ZNF438: variants seen among roughly 807,000 people sequenced by gnomAD.
The protein encoded by ZNF438 is zinc finger protein 438.
In ZNF438, 25 loss-of-function variants were observed where a neutral mutation model predicts 38.0. The observed-to-expected ratio is 0.66, with a 90% CI of 0.48 to 0.92. ZNF438 has a LOEUF of 0.92. Ranked by LOEUF, ZNF438 falls within the 40% of genes least tolerant of loss-of-function variation. ZNF438 has a pLI of 0.00. For missense variants in ZNF438, 1,007 were observed against 999.6 expected (o/e 1.01, Z -0.10); for synonymous variants, 372 against 364.1 (o/e 1.02, Z -0.25).
At chr10:30,947,750 G>A (rs1001380369) in intron 1 of ZNF438, among the ~76,000 whole-genome samples, 13 of 152,168 alleles carry the variant, frequency 8.5e-5, no homozygotes, top group African/African-American at 1.7e-4. Flanking sequence ...TAAGCCCGTC[G>A]GAAAAGCGCA....
At chr10:30,944,515 G>A (rs79808842) in intron 1 of ZNF438, among the ~76,000 whole-genome samples, 5,299 of 152,246 alleles carry the variant, frequency 0.035, 302 homozygotes, top group African/African-American at 0.12. Context: ...GGGTTGGGTT[G>A]AGGGGAGAAC....
At chr10:31,024,485 G>A (rs56242693) in intron 1 of ZNF438, among the ~76,000 whole-genome samples, 12,762 of 152,160 alleles carry the variant, frequency 0.084, 593 homozygotes, top group African/African-American at 0.12. Context: ...AAAATTAGCC[G>A]GGCTTGGTGG....
At chr10:30,972,664 T>C (rs557315702) in intron 1 of ZNF438, among the ~76,000 whole-genome samples, 1 of 152,258 alleles carries the variant, frequency 6.6e-6, no homozygotes, top group African/African-American at 2.4e-5. Context: ...TAAAATATAT[T>C]ACAGGCCTCT....
intron 3 of ZNF438, among the ~76,000 whole-genome samples, chr10:30,896,479 G>C (rs1314145852): frequency 6.6e-6 from 1 of 152,080 alleles, no homozygotes; most frequent in Non-Finnish European, 1.5e-5. Context: ...ACTTTAAAAA[G>C]AAAGGAAATT....
At chr10:30,905,842 C>G (rs79138947) in intron 3 of ZNF438, among the ~76,000 whole-genome samples, 12,954 of 152,192 alleles carry the variant, frequency 0.085, 629 homozygotes, top group Non-Finnish European at 0.11. Context: ...TTGGATAATT[C>G]TTGGTACCCT....
Position 30,960,824 on chromosome 10 carries a change from C to T in ZNF438, c.-191-19173G>A, listed in dbSNP as rs1442828280. ...GATATAAATATAAAAATAAAATAGG[C>T]TATATTTTAAAGACGTTTTCAAAAT... On this transcript the variant is annotated intron_variant, in intron 1 of 5. Coordinates refer to ENST00000413025, the Ensembl canonical transcript of ZNF438. 1.4e-5 allele frequency among the ~76,000 whole-genome samples: 2 copies of T among 146,618 alleles called. 1 individual carries two copies. The highest frequency in any genetic ancestry group is 1.4e-4 in the Admixed American group (2 of 14,518).
intron 2 of ZNF438, among the ~76,000 whole-genome samples, chr10:30,921,617 A>G (rs541565215): frequency 6.6e-6 from 1 of 152,336 alleles, no homozygotes; most frequent in East Asian, 1.9e-4. Flanking sequence ...CACTTATTTC[A>G]GAAAAGTTTA....
chr10:30,856,420 C>T (rs1308103202), intron 4 of ZNF438, among the ~76,000 whole-genome samples: 2 of 152,074 alleles, frequency 1.3e-5, no homozygotes, highest in Non-Finnish European at 2.9e-5. Flanking sequence ...CAACAGGAGT[C>T]CTTACAGAAG....
At chr10:30,878,829 G>A (rs954891954) in intron 3 of ZNF438, among the ~76,000 whole-genome samples, 6 of 152,062 alleles carry the variant, frequency 3.9e-5, no homozygotes, top group Admixed American at 2.0e-4. Flanking sequence ...GCTTGCTCAC[G>A]TGCTCCCTCC....
At chr10:30,891,481 T>C (rs1031240464) in intron 3 of ZNF438, among the ~76,000 whole-genome samples, 1 of 152,202 alleles carries the variant, frequency 6.6e-6, no homozygotes, top group South Asian at 2.1e-4. Context: ...TTATTTGATT[T>C]GTATAGATTG....
Position 30,977,454 on chromosome 10 carries a change from G to C in ZNF438, c.-191-35803C>G, listed in dbSNP as rs141020382. 1.1e-4 allele frequency among the ~76,000 whole-genome samples: 16 copies of C among 152,298 alleles called. No individual in the cohort carries two copies. In the East Asian group the frequency reaches 3.1e-3, roughly 29 times the overall value. On this transcript the variant is annotated intron_variant, in intron 1 of 5. Coordinates refer to ENST00000413025, the Ensembl canonical transcript of ZNF438. ...TGCCATCTTCCACGTGGTTTCCAAAGTAGTTTCCAACTAAGATGGCTACTG... is the reference window on the plus strand; with the variant it reads ...TGCCATCTTCCACGTGGTTTCCAAACTAGTTTCCAACTAAGATGGCTACTG...
chr10:30,876,016 AC>A (rs1282879529), intron 4 of ZNF438, among the ~76,000 whole-genome samples: 2 of 152,250 alleles, frequency 1.3e-5, no homozygotes, highest in African/African-American at 4.8e-5. Flanking sequence ...ATAGAGTGGA[AC>A]TTATTATCTT....
chr10:30,882,641 T>C (rs971250084), intron 3 of ZNF438, among the ~76,000 whole-genome samples: 3 of 152,134 alleles, frequency 2.0e-5, no homozygotes, highest in African/African-American at 7.2e-5. Context: ...CTATAAACTA[T>C]AGTGGCAGAA....
chr10:30,901,674 G>C (rs571038885), intron 3 of ZNF438, among the ~76,000 whole-genome samples: 1 of 151,722 alleles, frequency 6.6e-6, no homozygotes, highest in Non-Finnish European at 1.5e-5. Flanking sequence ...ACCGCTCGGC[G>C]ATAGTCTCAC....
intron 4 of ZNF438, among the ~76,000 whole-genome samples, chr10:30,876,145 T>A (rs1221550927): frequency 2.0e-5 from 3 of 152,254 alleles, no homozygotes; most frequent in East Asian, 3.8e-4. Context: ...GTTATGATAC[T>A]ACCTTTCTCA....
intron 4 of ZNF438, among the ~76,000 whole-genome samples, chr10:30,858,697 A>C (rs1474655321): frequency 1.3e-5 from 2 of 152,208 alleles, no homozygotes; most frequent in Admixed American, 6.5e-5. Flanking sequence ...AATTTGAGAC[A>C]ATGCAAAGGA....
chr10:30,852,805 T>C (rs1293295901), intron 4 of ZNF438, among the ~76,000 whole-genome samples: 1 of 152,244 alleles, frequency 6.6e-6, no homozygotes, highest in Non-Finnish European at 1.5e-5. Flanking sequence ...CCTTCTGAGT[T>C]TGGTTACCGT....
At chr10:30,972,895 C>T (rs147668493) in intron 1 of ZNF438, among the ~76,000 whole-genome samples, 8 of 152,102 alleles carry the variant, frequency 5.3e-5, no homozygotes, top group Non-Finnish European at 1.2e-4. Context: ...AAGGTGTCTC[C>T]CTTTAATTTC....
intron 4 of ZNF438, chr10:30,875,212 G>A: frequency 1.0e-6 from 1 of 966,232 alleles, no homozygotes; most frequent in Non-Finnish European, 1.2e-6. Context: ...CAGAGAGGTA[G>A]GCATCAGAAC....
Sources: gnomAD v4.1 joint callset for allele counts (sites outside exome capture counted in the v4.1 genomes callset) on GRCh38, gnomAD v4.1.1 for gene constraint, MANE v1.5 for transcripts, NCBI Gene and HGNC (gene_info 2026-07-23, HGNC 2026-07-21) for gene names.